The following CATSPERD variants were observed in gnomAD, a reference collection of about 807,000 sequenced individuals.
The protein encoded by CATSPERD is catsper channel auxiliary subunit delta, also known as cation channel sperm-associated auxiliary subunit delta.
A neutral mutation model predicts 98.1 loss-of-function variants in CATSPERD; 86 were observed. That is an observed-to-expected ratio of 0.88 (90% confidence interval 0.74 to 1.05). The LOEUF is 1.05. CATSPERD is among the 50% of genes least tolerant of loss of function. CATSPERD has a pLI of 0.00. For synonymous variants in CATSPERD, 394 were observed against 390.2 expected (o/e 1.01, Z -0.12); for missense variants, 995 against 1,005.7 (o/e 0.99, Z 0.14).
At chr19:5,772,080 C>G in intron 19 of CATSPERD, 1 of 172,748 alleles carries the variant, frequency 5.8e-6, no homozygotes, top group South Asian at 6.2e-5. Context: ...TGGCGTCTTG[C>G]TCTGTTGCCC....
intron 19 of CATSPERD, 132 bp downstream of exon 19, chr19:5,771,204 G>A (rs977482630): frequency 2.9e-5 from 31 of 1,056,834 alleles, no homozygotes; most frequent in South Asian, 6.5e-5. Flanking sequence ...GTTTCCCACC[G>A]TGCTCCTGCC....
intron 13 of CATSPERD, among the ~76,000 whole-genome samples, chr19:5,755,430 T>G (rs1397017180): frequency 6.6e-6 from 1 of 152,154 alleles, no homozygotes; most frequent in Non-Finnish European, 1.5e-5. Context: ...GTATTTCCAG[T>G]ACTGATACAG....
At chr19:5,734,497 G>A (rs1455453198) in intron 5 of CATSPERD, among the ~76,000 whole-genome samples, 2 of 152,192 alleles carry the variant, frequency 1.3e-5, no homozygotes, top group Non-Finnish European at 2.9e-5. Flanking sequence ...AATTAGCTGG[G>A]CGTGGTGGTG....
chr19:5,736,538 G>A (rs116941647), intron 5 of CATSPERD, among the ~76,000 whole-genome samples: 1,737 of 151,616 alleles, frequency 0.011, 14 homozygotes, highest in Non-Finnish European at 0.019. Context: ...CCACCGTGGC[G>A]AAACTCCGTC....
chr19:5,758,112 C>T (rs995892016), intron 14 of CATSPERD, among the ~76,000 whole-genome samples, 180 bp downstream of exon 14: 3 of 152,064 alleles, frequency 2.0e-5, no homozygotes, highest in Non-Finnish European at 2.9e-5. Context: ...AAGTGTCACA[C>T]GGGAGAGACC....
At chr19:5,753,218 A>C (rs1191731598) in intron 12 of CATSPERD, among the ~76,000 whole-genome samples, 1 of 151,854 alleles carries the variant, frequency 6.6e-6, no homozygotes, top group Non-Finnish European at 1.5e-5. Context: ...AACGGGCAAG[A>C]CTGAGTGATG....
chr19:5,752,040 G>A (rs1352208221), intron 12 of CATSPERD, among the ~76,000 whole-genome samples: 1 of 151,986 alleles, frequency 6.6e-6, no homozygotes, highest in Admixed American at 6.6e-5. Context: ...GCCAGGTACG[G>A]TGGGAGACTT....
intron 13 of CATSPERD, among the ~76,000 whole-genome samples, chr19:5,757,249 CAAAAATAAAGAAAGAAA>C (rs1008809354): frequency 1.3e-5 from 2 of 150,534 alleles, no homozygotes; most frequent in Non-Finnish European, 2.9e-5. Context: ...GACTCCATCT[CAAAAATAAAGAAAGAAA>C]GAAAATAATA....
chr19:5,762,056 A>ATTT (rs1302276239), intron 15 of CATSPERD, among the ~76,000 whole-genome samples: 6 of 14,474 alleles, frequency 4.1e-4, no homozygotes, highest in Non-Finnish European at 4.7e-4. Context: ...ATATATATAT[A>ATTT]TATTTTTTTT....
intron 1 of CATSPERD, among the ~76,000 whole-genome samples, chr19:5,723,437 G>A (rs894861611): frequency 4.2e-5 from 6 of 141,712 alleles, no homozygotes; most frequent in Admixed American, 2.9e-4. Flanking sequence ...GATAACAGGC[G>A]CCCGCCACCC....
chr19:5,775,758 G>T (rs534738265), intron 20 of CATSPERD, among the ~76,000 whole-genome samples: 1 of 151,974 alleles, frequency 6.6e-6, no homozygotes, highest in East Asian at 1.9e-4. Flanking sequence ...TTACTAATAG[G>T]CTTCAGATGT....
At chr19:5,724,592 T>C (rs568025859) in intron 1 of CATSPERD, among the ~76,000 whole-genome samples, 35 of 152,222 alleles carry the variant, frequency 2.3e-4, no homozygotes, top group African/African-American at 7.9e-4. Flanking sequence ...CCAGCTACTC[T>C]GGCGGCTGAG....
intron 20 of CATSPERD, among the ~76,000 whole-genome samples, chr19:5,774,227 A>G (rs1374754658): frequency 1.3e-5 from 2 of 151,372 alleles, no homozygotes; most frequent in African/African-American, 2.4e-5. Flanking sequence ...CGGCCTCCCA[A>G]AGTGCTGGGA....
intron 6 of CATSPERD, among the ~76,000 whole-genome samples, chr19:5,737,506 C>T (rs1599527509): frequency 1.5e-5 from 2 of 136,520 alleles, no homozygotes; most frequent in African/African-American, 5.5e-5. Flanking sequence ...GCCGTGATTA[C>T]ACCACTGCAC....
intron 6 of CATSPERD, 24 bp from the exon 7 acceptor site, chr19:5,739,302 T>A (rs373873841): frequency 1.0e-4 from 128 of 1,283,990 alleles, no homozygotes; most frequent in Non-Finnish European, 1.2e-4. Flanking sequence ...TCTTTCATTC[T>A]TTCTTTCTTT....
At chr19:5,733,039 T>C (rs2055759273) in intron 4 of CATSPERD, among the ~76,000 whole-genome samples, 1 of 150,790 alleles carries the variant, frequency 6.6e-6, no homozygotes, top group Non-Finnish European at 1.5e-5. Flanking sequence ...TTCACCCTTG[T>C]TGCCCAAGCT....
intron 18 of CATSPERD, among the ~76,000 whole-genome samples, chr19:5,770,483 T>C (rs2056624816): frequency 6.7e-6 from 1 of 149,698 alleles, no homozygotes; most frequent in African/African-American, 2.5e-5. Flanking sequence ...TGATCTAATT[T>C]AAGGAGCAGA....
At chr19:5,748,623 CA>C (rs1179884868) in intron 10 of CATSPERD, among the ~76,000 whole-genome samples, 3,262 of 50,434 alleles carry the variant, frequency 0.065, 20 homozygotes, top group East Asian at 0.12. Context: ...AGTGAGACTC[CA>C]AAAAAAAAAA....
Position 5,757,775 on chromosome 19 carries a change from G to A in CATSPERD, c.1279-68G>A. On this transcript the variant is annotated intron_variant, in intron 13 of 21. Coordinates refer to ENST00000381624, the MANE Select transcript of CATSPERD (RefSeq NM_152784.4). ...CATTTGAAGGTGTGCTGGGCTCACTGTGGGGGTTTGTCACCCCGTCCTGCC... is the reference window on the plus strand; with the variant it reads ...CATTTGAAGGTGTGCTGGGCTCACTATGGGGGTTTGTCACCCCGTCCTGCC... 10 of 1,210,418 alleles carry A rather than the reference G, an allele frequency of 8.3e-6. No homozygotes were observed. The South Asian group carries it at 1.0e-4, about 12-fold the overall frequency. 75.0% of individuals were successfully genotyped at this position (1,210,418 alleles called of 1,614,324 possible). A position where few individuals can be genotyped will look rare whatever the true frequency, so the allele number is the denominator to read the frequency against.
Sources: gnomAD v4.1 joint callset for allele counts (sites outside exome capture counted in the v4.1 genomes callset) on GRCh38, gnomAD v4.1.1 for gene constraint, MANE v1.5 for transcripts, NCBI Gene and HGNC (gene_info 2026-07-23, HGNC 2026-07-21) for gene names.